Variants in NFIA observed in about 807,000 individuals in gnomAD.
NFIA encodes nuclear factor I A.
In NFIA, 8 loss-of-function variants were observed where a neutral mutation model predicts 62.8. The observed-to-expected ratio is 0.13, with a 90% CI of 0.07 to 0.23. The LOEUF is 0.23. Among genes scored for constraint, NFIA ranks in the 10% least tolerant of loss-of-function variants. The pLI is 1.00. For synonymous variants in NFIA, 235 were observed against 238.1 expected (o/e 0.99, Z 0.12); for missense variants, 410 against 642.1 (o/e 0.64, Z 3.91).
At chr1:61,397,036 G>T (rs1665316415) in intron 7 of NFIA, among the ~76,000 whole-genome samples, 1 of 151,960 alleles carries the variant, frequency 6.6e-6, no homozygotes, top group Non-Finnish European at 1.5e-5. Context: ...TGCCCGGTTG[G>T]CAGGGGCCTA....
chr1:61,313,725 C>T (rs764128112), intron 3 of NFIA, among the ~76,000 whole-genome samples: 2 of 152,144 alleles, frequency 1.3e-5, no homozygotes, highest in Non-Finnish European at 2.9e-5. Flanking sequence ...CTTAGATGTG[C>T]ACATCAGGAA....
chr1:61,450,823 TG>T (rs1353102401), intron 10 of NFIA, among the ~76,000 whole-genome samples: 1 of 152,224 alleles, frequency 6.6e-6, no homozygotes, highest in Admixed American at 6.5e-5. Flanking sequence ...CAGCACTCTC[TG>T]CTCCTTTTAG....
intron 6 of NFIA, among the ~76,000 whole-genome samples, chr1:61,376,083 G>A (rs1470965513): frequency 6.6e-6 from 1 of 151,968 alleles, no homozygotes; most frequent in Admixed American, 6.6e-5. Flanking sequence ...ACACTTCTTA[G>A]TTTCTATAAA....
chr1:61,107,842 G>A (rs893271966), intron 2 of NFIA, among the ~76,000 whole-genome samples: 1 of 151,636 alleles, frequency 6.6e-6, no homozygotes, highest in Non-Finnish European at 1.5e-5. Flanking sequence ...ATGGTGTGAG[G>A]TAGGGATCCA....
At chr1:61,321,442 GGGAA>G (rs199717406) in intron 3 of NFIA, among the ~76,000 whole-genome samples, 12 of 151,410 alleles carry the variant, frequency 7.9e-5, no homozygotes, top group Admixed American at 1.3e-4. Flanking sequence ...AGGAAAGGAA[GGGAA>G]GGAAGGAAGG....
At chr1:61,341,698 G>T (rs768650473) in intron 4 of NFIA, among the ~76,000 whole-genome samples, 1 of 152,100 alleles carries the variant, frequency 6.6e-6, no homozygotes, top group African/African-American at 2.4e-5. Context: ...GGCTCGTCTC[G>T]AACTCCTGGG....
intron 2 of NFIA, among the ~76,000 whole-genome samples, chr1:61,092,551 C>T (rs1646339288): frequency 6.6e-6 from 1 of 152,108 alleles, no homozygotes; most frequent in South Asian, 2.1e-4. Flanking sequence ...GTCCTATAAA[C>T]CTACTCAACA....
intron 2 of NFIA, among the ~76,000 whole-genome samples, chr1:61,089,718 A>G (rs1646286220): frequency 8.4e-6 from 1 of 119,484 alleles, no homozygotes; most frequent in South Asian, 2.4e-4. Flanking sequence ...TTTTTTTACA[A>G]AGGAGAGATG....
intron 2 of NFIA, among the ~76,000 whole-genome samples, chr1:61,122,166 A>AT (rs906868737): frequency 1.3e-5 from 2 of 152,036 alleles, no homozygotes; most frequent in Non-Finnish European, 2.9e-5. Flanking sequence ...ATTTGTGGCC[A>AT]TTTTTTTAAT....
intron 2 of NFIA, among the ~76,000 whole-genome samples, chr1:61,144,852 A>G (rs1647810280): frequency 6.6e-6 from 1 of 152,176 alleles, no homozygotes. Flanking sequence ...GTCTGCAGCT[A>G]CTTAATTCCA....
At chr1:61,324,635 C>T (rs931767677) in intron 3 of NFIA, among the ~76,000 whole-genome samples, 1 of 152,170 alleles carries the variant, frequency 6.6e-6, no homozygotes, top group African/African-American at 2.4e-5. Flanking sequence ...GTGTCTCTGG[C>T]CTTGACCTCT....
upstream of NFIA, chr1:61,077,760 G>A: frequency 1.8e-6 from 1 of 543,612 alleles, no homozygotes; most frequent in East Asian, 3.3e-5. Flanking sequence ...AGTGATTGCT[G>A]GGTAAATGTC....
chr1:61,405,587 C>G (rs1477493762), intron 8 of NFIA, among the ~76,000 whole-genome samples: 1 of 152,064 alleles, frequency 6.6e-6, no homozygotes, highest in Non-Finnish European at 1.5e-5. Flanking sequence ...TGAATAGAGG[C>G]CTCTTGGGAA....
chr1:61,346,723 T>G (rs1475063535), intron 4 of NFIA, among the ~76,000 whole-genome samples: 1 of 152,206 alleles, frequency 6.6e-6, no homozygotes. Context: ...CTTCCATGCA[T>G]TCTGAATATG....
chr1:61,405,152 C>A (rs1395202994), intron 8 of NFIA, among the ~76,000 whole-genome samples: 1 of 152,172 alleles, frequency 6.6e-6, no homozygotes, highest in East Asian at 1.9e-4. Flanking sequence ...CGATTTTTTT[C>A]ACTTGCAGAA....
intron 4 of NFIA, among the ~76,000 whole-genome samples, chr1:61,340,370 T>C (rs1225917598): frequency 6.6e-6 from 1 of 152,214 alleles, no homozygotes; most frequent in Non-Finnish European, 1.5e-5. Flanking sequence ...AGTTGGGGAA[T>C]TGAGCTTTGC....
chr1:61,438,093 AT>A (rs1321468407), intron 10 of NFIA, among the ~76,000 whole-genome samples: 2 of 152,172 alleles, frequency 1.3e-5, no homozygotes, highest in Non-Finnish European at 2.9e-5. Flanking sequence ...ACCTGTGGTC[AT>A]GAGGTACCTT....
chr1:61,312,122 C>G (rs1425290078), intron 3 of NFIA, among the ~76,000 whole-genome samples: 2 of 152,212 alleles, frequency 1.3e-5, no homozygotes, highest in Non-Finnish European at 2.9e-5. Context: ...CACCTGCACT[C>G]TATATCACAG....
At chr1:61,135,721 T>C (rs545596877) in intron 2 of NFIA, among the ~76,000 whole-genome samples, 1 of 152,322 alleles carries the variant, frequency 6.6e-6, no homozygotes, top group South Asian at 2.1e-4. Flanking sequence ...AGGCCTCACC[T>C]TAGGAGAACT....
Sources: allele counts gnomAD v4.1 joint callset (sites outside exome capture counted in the v4.1 genomes callset), GRCh38; gene constraint gnomAD v4.1.1; transcripts MANE v1.5; gene names NCBI Gene and HGNC (gene_info 2026-07-23, HGNC 2026-07-21).